The following MACROD2 variants were observed in gnomAD, a reference collection of about 807,000 sequenced individuals.
MACROD2 encodes the protein mono-ADP ribosylhydrolase 2, also known as ADP-ribose glycohydrolase MACROD2.
MACROD2 carries 36 observed loss-of-function variants against 70.4 expected under a neutral mutation model. That is an observed-to-expected ratio of 0.51 (90% CI 0.39 to 0.68). The LOEUF (loss-of-function observed/expected upper bound fraction) is 0.68. MACROD2 is among the 30% of genes least tolerant of loss of function. MACROD2 has a pLI of 0.00. For missense variants in MACROD2, 496 were observed against 538.4 expected (o/e 0.92, Z 0.78); for synonymous variants, 172 against 178.8 (o/e 0.96, Z 0.30).
intron 3 of MACROD2, among the ~76,000 whole-genome samples, chr20:14,249,900 C>T (rs184116063): frequency 2.6e-4 from 40 of 151,978 alleles, no homozygotes; most frequent in Non-Finnish European, 4.7e-4. Flanking sequence ...CACCCAGACA[C>T]GGGGGTGGGG....
chr20:15,097,132 T>C (rs1487390894), intron 5 of MACROD2, among the ~76,000 whole-genome samples: 2 of 152,134 alleles, frequency 1.3e-5, no homozygotes, highest in African/African-American at 4.8e-5. Context: ...AAAGTATTAA[T>C]TTGCTTTTGC....
At chr20:15,001,933 G>A (rs185454441) in intron 5 of MACROD2, among the ~76,000 whole-genome samples, 39 of 150,608 alleles carry the variant, frequency 2.6e-4, no homozygotes, top group African/African-American at 6.7e-4. Context: ...ATAGCTTAGC[G>A]CGTGTGCATG....
At chr20:15,750,443 T>C (rs749044357) in intron 8 of MACROD2, among the ~76,000 whole-genome samples, 1 of 152,030 alleles carries the variant, frequency 6.6e-6, no homozygotes, top group African/African-American at 2.4e-5. Context: ...TAATTTTAAT[T>C]TGACAAAATT....
In MACROD2 at chr20:15,784,676, G is replaced by T. The variant is rs556286997; in HGVS notation, c.646-78069G>T. ...AACGTGATTAATTTATTGATGAATG[G>T]ATGGAGAAATAGATGAGTGGATAGA... On this transcript the variant is annotated intron_variant, in intron 8 of 17. Coordinates refer to ENST00000684519, the MANE Select transcript of MACROD2 (RefSeq NM_001351661.2). Among the ~76,000 whole-genome samples, 3 of 152,206 alleles carry T rather than the reference G, an allele frequency of 2.0e-5. No individual in the cohort carries two copies. In the South Asian group the frequency reaches 6.2e-4, roughly 32 times the overall value.
chr20:15,478,322 G>A (rs1279707540), intron 7 of MACROD2, among the ~76,000 whole-genome samples: 1 of 152,156 alleles, frequency 6.6e-6, no homozygotes, highest in African/African-American at 2.4e-5. Context: ...CTTTCTATCG[G>A]TTCTGGCTTG....
At chr20:14,681,434 C>G (rs991847181) in intron 4 of MACROD2, among the ~76,000 whole-genome samples, 2 of 152,080 alleles carry the variant, frequency 1.3e-5, no homozygotes, top group Non-Finnish European at 2.9e-5. Flanking sequence ...AGGAAGAAGT[C>G]TAAATATATA....
chr20:14,288,664 C>G lies in MACROD2; in HGVS notation c.271+202936C>G, dbSNP rs1461267212. Among the ~76,000 whole-genome samples the G allele has an allele frequency of 1.3e-5, 2 of 152,144 alleles. 1 individual carries two copies. Among genetic ancestry groups the G allele is most frequent in the Non-Finnish European group, 2.9e-5 (2 of 68,034 alleles). ...GTTCTTTTCTGTCATCTCTTCTCCC[C>G]TTTCCTCTTTTCAAGAGCCCTTCAT... On this transcript the variant is annotated intron_variant, in intron 3 of 17. Coordinates refer to ENST00000684519, the MANE Select transcript of MACROD2 (RefSeq NM_001351661.2).
At chr20:14,517,547 G>A (rs147519270) in intron 4 of MACROD2, among the ~76,000 whole-genome samples, 2 of 152,076 alleles carry the variant, frequency 1.3e-5, no homozygotes, top group African/African-American at 4.8e-5. Context: ...GTGGGTGGGG[G>A]ACTAGGGGAG....
chr20:14,758,823 G>A (rs1462278233), intron 5 of MACROD2, among the ~76,000 whole-genome samples: 2 of 152,094 alleles, frequency 1.3e-5, no homozygotes, highest in Non-Finnish European at 2.9e-5. Flanking sequence ...TATTAAAGTA[G>A]TTTTTATTAG....
chr20:14,919,554 C>T (rs1324719890), intron 5 of MACROD2, among the ~76,000 whole-genome samples: 2 of 152,158 alleles, frequency 1.3e-5, no homozygotes, highest in Non-Finnish European at 2.9e-5. Flanking sequence ...GGAACAGGGC[C>T]GTGTTCTCTT....
chr20:14,913,523 C>CA (rs1221893818), intron 5 of MACROD2, among the ~76,000 whole-genome samples: 1 of 151,954 alleles, frequency 6.6e-6, no homozygotes, highest in Non-Finnish European at 1.5e-5. Context: ...TCCGTCTCAA[C>CA]AAAAAATTAA....
chr20:15,697,217 C>A (rs1400728860), intron 8 of MACROD2, among the ~76,000 whole-genome samples: 1 of 152,040 alleles, frequency 6.6e-6, no homozygotes, highest in Admixed American at 6.6e-5. Flanking sequence ...CTTAGCACTC[C>A]CTTTGCTGTA....
chr20:14,318,213 G>A (rs1048007741), intron 3 of MACROD2, among the ~76,000 whole-genome samples: 3 of 152,094 alleles, frequency 2.0e-5, no homozygotes, highest in Non-Finnish European at 4.4e-5. Context: ...ACTTTGTGTA[G>A]TAATTGCCTA....
intron 6 of MACROD2, among the ~76,000 whole-genome samples, chr20:15,274,328 G>A (rs1381132341): frequency 2.0e-5 from 3 of 152,186 alleles, no homozygotes; most frequent in South Asian, 2.1e-4. Flanking sequence ...GACTCCTGTG[G>A]CTCAATACCC....
intron 5 of MACROD2, among the ~76,000 whole-genome samples, chr20:14,878,353 G>T (rs193073331): frequency 6.6e-6 from 1 of 152,264 alleles, no homozygotes; most frequent in East Asian, 1.9e-4. Flanking sequence ...ACATCTCCAT[G>T]AAAGACTACA....
intron 8 of MACROD2, among the ~76,000 whole-genome samples, chr20:15,692,099 A>T (rs1404012477): frequency 2.0e-5 from 3 of 152,150 alleles, no homozygotes. Context: ...AGTTCCTGTG[A>T]CAGCTTTTGC....
At chr20:15,798,332 G>C (rs2063693924) in intron 8 of MACROD2, among the ~76,000 whole-genome samples, 1 of 152,148 alleles carries the variant, frequency 6.6e-6, no homozygotes, top group Non-Finnish European at 1.5e-5. Flanking sequence ...TCACATGTCT[G>C]GCACCTCAGC....
At chr20:14,456,417 C>T (rs1052549185) in intron 3 of MACROD2, among the ~76,000 whole-genome samples, 32 of 151,920 alleles carry the variant, frequency 2.1e-4, no homozygotes, top group African/African-American at 7.5e-4. Flanking sequence ...TCAAAAAGAG[C>T]TCATCATTCA....
At chr20:14,100,207 A>G (rs2054279697) in intron 3 of MACROD2, among the ~76,000 whole-genome samples, 1 of 152,024 alleles carries the variant, frequency 6.6e-6, no homozygotes. Flanking sequence ...TCTCAAAACT[A>G]CATTTGGAAA....
Sources: allele counts gnomAD v4.1 joint callset (sites outside exome capture counted in the v4.1 genomes callset), GRCh38; gene constraint gnomAD v4.1.1; transcripts MANE v1.5; gene names NCBI Gene and HGNC (gene_info 2026-07-23, HGNC 2026-07-21).